SYAP1: variants seen among roughly 807,000 people sequenced by gnomAD.
SYAP1 encodes the protein synapse associated protein 1.
In SYAP1, 3 loss-of-function variants were observed where a neutral mutation model predicts 29.6. The ratio of observed to expected loss-of-function variants is 0.10; its 90% CI spans 0.05 to 0.26. SYAP1 has a LOEUF of 0.26. Among genes scored for constraint, SYAP1 ranks in the 10% least tolerant of loss-of-function variants. The probability of loss-of-function intolerance (pLI) is 1.00; values close to 1 mark genes in which losing one functional copy is unlikely to be tolerated. For missense variants in SYAP1, 217 were observed against 264.1 expected, an observed-to-expected ratio of 0.82 and a Z score of 1.24; for synonymous variants, 102 against 102.7, an observed-to-expected ratio of 0.99 and a Z score of 0.04.
intron 5 of SYAP1, among the ~76,000 whole-genome samples, chrX:16,744,871 C>T (rs1183817686): frequency 1.8e-5 from 2 of 112,006 alleles, no homozygotes; most frequent in African/African-American, 3.2e-5. Flanking sequence ...GAAGCTGAGG[C>T]GGGAGGAACA....
At chrX:16,723,483 G>C (rs751592801) in intron 1 of SYAP1, among the ~76,000 whole-genome samples, 2 of 111,543 alleles carry the variant, frequency 1.8e-5, no homozygotes, top group South Asian at 7.5e-4. Context: ...AATGACTAGA[G>C]AAGTGAGAAG....
At chrX:16,733,325 G>A (rs751332021) in intron 1 of SYAP1, among the ~76,000 whole-genome samples, 17 of 111,377 alleles carry the variant, frequency 1.5e-4, no homozygotes, top group African/African-American at 3.6e-4. Flanking sequence ...GCTGGTGAAA[G>A]GATCATTCAG....
rs759598795 is a variant in SYAP1 at position 16,757,224 on chromosome X, C to T, written c.846C>T (p.Ala282=). ...AGTTTGTCAGTGATGCCTTCGATGC[C>T]TGTAACCTAAATCAGGAAGATCTAA... is the stretch of plus-strand genomic sequence containing the variant. The part of the protein sequence containing the change: ...VSEFVSDAFD[A]CNLNQEDLRK... The change falls in exon 8 of 9, where the codon GCC becomes GCT. Residue 282 remains alanine (A), a synonymous_variant. Coordinates refer to ENST00000380155, the MANE Select transcript of SYAP1 (RefSeq NM_032796.4). 7 of 1,210,675 alleles carry T rather than the reference C, an allele frequency of 5.8e-6. No individual in the cohort carries two copies. The highest frequency in any genetic ancestry group is 1.7e-5 in the African/African-American group (1 of 57,675).
rs753371987 is a variant in SYAP1, at chrX:16,741,779, C to T, written c.425C>T (p.Ala142Val). The T allele has an allele frequency of 3.3e-6, 4 of 1,198,624 alleles. No homozygotes were observed. Among genetic ancestry groups the T allele is most frequent in the Non-Finnish European group, 3.4e-6 (3 of 885,567 alleles). The stretch of plus-strand genomic sequence containing the variant: ...GAAACAATTCAACAACAAATTTTGG[C>T]CTTATCAGCTGTAAGTATCTTGTGG... ...DEETIQQQIL[A>V]LSADKRNFLR... The change falls in exon 4 of 9, where the codon GCC (alanine) becomes GTC (valine). Residue 142 changes from alanine (A) to valine (V), a missense_variant. Physicochemically the swap from Ala to Val is moderately conservative, Grantham distance 64. Transcript: ENST00000380155.
chrX:16,748,553 G>A (rs1282796484), intron 5 of SYAP1, among the ~76,000 whole-genome samples: 1 of 111,632 alleles, frequency 9.0e-6, no homozygotes, highest in Non-Finnish European at 1.9e-5. Context: ...GGTCCTGCTG[G>A]TACATCACAA....
intron 1 of SYAP1, among the ~76,000 whole-genome samples, chrX:16,723,824 T>G (rs1926021176): frequency 8.9e-6 from 1 of 111,755 alleles, no homozygotes; most frequent in Non-Finnish European, 1.9e-5. Flanking sequence ...ATTCTTACCA[T>G]TCCTTTCAGT....
At chrX:16,755,728 G>C (rs909564217) in intron 6 of SYAP1, among the ~76,000 whole-genome samples, 4 of 111,303 alleles carry the variant, frequency 3.6e-5, no homozygotes, top group African/African-American at 9.8e-5. Context: ...ACTTACCCCT[G>C]GTTGTGGGAA....
intron 1 of SYAP1, among the ~76,000 whole-genome samples, chrX:16,722,271 A>G (rs1231412732): frequency 9.0e-6 from 1 of 111,608 alleles, no homozygotes. Flanking sequence ...GCTCACGCCT[A>G]TAATCCCAGC....
At chrX:16,759,720 C>T (rs1202827010) in intron 8 of SYAP1, among the ~76,000 whole-genome samples, 3 of 112,030 alleles carry the variant, frequency 2.7e-5, no homozygotes, top group South Asian at 7.4e-4. Context: ...AGTTGCTTAA[C>T]CTCTCCTAAG....
Position 16,743,726 on chromosome X carries a change from C to T in SYAP1, c.461C>T (p.Pro154Leu). ...GACAAGAGGAATTTCCTTCGTGACC[C>T]TCCGGCTGGCGTGCAATTTAATTTC... The part of the protein sequence containing the change: ...SADKRNFLRD[P>L]PAGVQFNFDF... The change falls in exon 5 of 9, where the codon CCT becomes CTT. Residue 154 changes from proline to leucine, a missense_variant. Transcript: ENST00000380155. 1 of 1,210,620 alleles carries T rather than the reference C, an allele frequency of 8.3e-7. No individual in the cohort carries two copies. Among genetic ancestry groups the T allele is most frequent in the Non-Finnish European group, 1.1e-6 (1 of 894,987 alleles).
At chrX:16,748,535 C>A (rs16980465) in intron 5 of SYAP1, among the ~76,000 whole-genome samples, 7,465 of 111,434 alleles carry the variant, frequency 0.067, 611 homozygotes, top group African/African-American at 0.23. Context: ...ATGCTGTGAC[C>A]GAGATAGGGT....
chrX:16,743,180 TA>T (rs1416772178), intron 4 of SYAP1, among the ~76,000 whole-genome samples: 1 of 106,501 alleles, frequency 9.4e-6, no homozygotes, highest in Non-Finnish European at 1.9e-5. Context: ...ATACAAAAAT[TA>T]GCCAGGCGTG....
chrX:16,733,653 T>G (rs926215766), intron 1 of SYAP1, among the ~76,000 whole-genome samples: 10 of 109,117 alleles, frequency 9.2e-5, no homozygotes, highest in African/African-American at 3.1e-4. Flanking sequence ...AAATGATATT[T>G]GTCTACAAAT....
At chrX:16,721,724 A>C (rs1396013231) in intron 1 of SYAP1, among the ~76,000 whole-genome samples, 1 of 107,749 alleles carries the variant, frequency 9.3e-6, no homozygotes, top group African/African-American at 3.4e-5. Context: ...TTTAATGGAG[A>C]CAGTGTTTCA....
At chrX:16,724,757 A>G (rs5936164) in intron 1 of SYAP1, among the ~76,000 whole-genome samples, 38,445 of 110,804 alleles carry the variant, frequency 0.35, 4,960 homozygotes, top group East Asian at 0.57. Context: ...TTAAGAAAGA[A>G]AATGTTTCTG....
At chrX:16,760,093 G>T in intron 8 of SYAP1, 139 bp from the exon 9 acceptor site, 1 of 496,648 alleles carries the variant, frequency 2.0e-6, no homozygotes, top group Non-Finnish European at 3.1e-6. Flanking sequence ...GTTTTTCTGA[G>T]CACACATAGT....
At chrX:16,753,201 G>A (rs1279039970) in intron 5 of SYAP1, among the ~76,000 whole-genome samples, 4 of 102,292 alleles carry the variant, frequency 3.9e-5, no homozygotes, top group Admixed American at 2.2e-4. Context: ...CCAAGATCGC[G>A]CCACTGCACT....
At chrX:16,732,560 C>G (rs1175874092) in intron 1 of SYAP1, among the ~76,000 whole-genome samples, 1 of 111,338 alleles carries the variant, frequency 9.0e-6, no homozygotes, top group African/African-American at 3.3e-5. Flanking sequence ...GCGTGAGCCA[C>G]CGCGCCCAGC....
intron 1 of SYAP1, among the ~76,000 whole-genome samples, chrX:16,722,547 TCTC>T (rs1280692127): frequency 9.4e-6 from 1 of 106,464 alleles, no homozygotes; most frequent in East Asian, 3.0e-4. Flanking sequence ...AAAAAAAAAA[TCTC>T]CTGGGAGCCC....
Sources: gnomAD v4.1 joint callset for allele counts (sites outside exome capture counted in the v4.1 genomes callset) on GRCh38, gnomAD v4.1.1 for gene constraint, MANE v1.5 for transcripts, NCBI Gene and HGNC (gene_info 2026-07-23, HGNC 2026-07-21) for gene names.